FLRT2: variants seen among roughly 807,000 people sequenced by gnomAD.
The protein encoded by FLRT2 is fibronectin leucine rich transmembrane protein 2.
In FLRT2, 15 loss-of-function variants were observed where a neutral mutation model predicts 40.0. The ratio of observed to expected loss-of-function variants is 0.38; its 90% CI spans 0.25 to 0.58. The LOEUF is 0.58. FLRT2 is among the 20% of genes least tolerant of loss of function. The pLI is 0.71. For synonymous variants in FLRT2, 380 were observed against 336.8 expected (o/e 1.13, Z -1.41); for missense variants, 726 against 840.0 (o/e 0.86, Z 1.68).
At chr14:85,532,252 C>T (rs1318233069) in intron 1 of FLRT2, among the ~76,000 whole-genome samples, 1 of 152,142 alleles carries the variant, frequency 6.6e-6, no homozygotes, top group Non-Finnish European at 1.5e-5. Context: ...TCGCGTGGCC[C>T]CACCGACGGC....
chr14:85,543,373 C>G (rs1045581938), intron 1 of FLRT2, among the ~76,000 whole-genome samples: 2 of 152,024 alleles, frequency 1.3e-5, no homozygotes, highest in African/African-American at 4.8e-5. Context: ...AAATATTGCT[C>G]AATTTAACTC....
At position 85,653,303 on chromosome 14, in the gene FLRT2, T is replaced by G. The variant is rs1166016331; in HGVS notation, c.*29806T>G. ...ATGTAACTTGGAGAAGTACCAATTTTGTCATTCTAGATGAGAAATCTTCTG... is the reference window on the plus strand; with the variant it reads ...ATGTAACTTGGAGAAGTACCAATTTGGTCATTCTAGATGAGAAATCTTCTG... On this transcript the variant is annotated 3_prime_UTR_variant, in exon 2 of 2. Coordinates refer to ENST00000330753, the MANE Select transcript of FLRT2 (RefSeq NM_013231.6). 6.6e-6 allele frequency: 1 copy of G among 152,168 alleles called. No individual in the cohort carries two copies. Among genetic ancestry groups the G allele is most frequent in the Admixed American group, 6.5e-5 (1 of 15,270 alleles). The allele number at this position is 152,168 out of a possible 1,614,324, so 9.4% of individuals were successfully genotyped here.
At chr14:85,582,930 T>C (rs1238589495) in intron 1 of FLRT2, among the ~76,000 whole-genome samples, 1 of 151,992 alleles carries the variant, frequency 6.6e-6, no homozygotes, top group Non-Finnish European at 1.5e-5. Flanking sequence ...ATTTCTATAA[T>C]TTTCTGCCTC....
chr14:85,619,344 C>G (rs1186045489), intron 1 of FLRT2, among the ~76,000 whole-genome samples: 1 of 152,066 alleles, frequency 6.6e-6, no homozygotes, highest in Non-Finnish European at 1.5e-5. Flanking sequence ...CTCAGCCTCC[C>G]AAAGTGCTGA....
intron 1 of FLRT2, among the ~76,000 whole-genome samples, chr14:85,557,151 G>A (rs971215337): frequency 3.3e-5 from 5 of 151,936 alleles, no homozygotes; most frequent in Admixed American, 1.3e-4. Flanking sequence ...ATTTGGGTGG[G>A]GACACAGAGT....
Position 85,651,566 on chromosome 14 carries a change from A to G in FLRT2, c.*28069A>G, listed in dbSNP as rs935267796. The G allele has an allele frequency of 2.0e-5, 3 of 152,206 alleles. No individual in the cohort carries two copies. Among genetic ancestry groups the G allele is most frequent in the East Asian group, 3.9e-4 (2 of 5,188 alleles). 9.4% of individuals were successfully genotyped at this position (152,206 alleles called of 1,614,324 possible). ...GGGAAGATTTTAGAATACTTAACGT[A>G]TGTTTTCTAATTAAGCAGTGACCCA... On this transcript the variant is annotated 3_prime_UTR_variant, in exon 2 of 2. Coordinates refer to ENST00000330753, the MANE Select transcript of FLRT2 (RefSeq NM_013231.6).
At chr14:85,618,189 A>G (rs554065510) in intron 1 of FLRT2, among the ~76,000 whole-genome samples, 47 of 152,290 alleles carry the variant, frequency 3.1e-4, no homozygotes, top group African/African-American at 1.0e-3. Flanking sequence ...CTCTAAGCAA[A>G]CACCATCATC....
In FLRT2 at chr14:85,641,467, A is replaced by C. The variant is rs1010869004; in HGVS notation, c.*17970A>C. On this transcript the variant is annotated 3_prime_UTR_variant, in exon 2 of 2. Transcript: ENST00000330753. ...GCACGGTGCCCATAATCAGTGTTTT[A>C]GTGTCTGGTCACTATCTTCAGTGGA... The C allele has an allele frequency of 6.6e-6, 1 of 152,232 alleles. No homozygotes were observed. Among genetic ancestry groups the C allele is most frequent in the Non-Finnish European group, 1.5e-5 (1 of 68,056 alleles). 9.4% of individuals were successfully genotyped at this position (152,232 alleles called of 1,614,324 possible). A position where few individuals can be genotyped will look rare whatever the true frequency, so the allele number is the denominator to read the frequency against.
At chr14:85,601,040 G>T (rs570784051) in intron 1 of FLRT2, among the ~76,000 whole-genome samples, 1 of 152,172 alleles carries the variant, frequency 6.6e-6, no homozygotes, top group Non-Finnish European at 1.5e-5. Flanking sequence ...TACAGTAACA[G>T]GAGGGTGAGA....
chr14:85,595,685 T>C (rs1288271593), intron 1 of FLRT2, among the ~76,000 whole-genome samples: 1 of 152,182 alleles, frequency 6.6e-6, no homozygotes, highest in Non-Finnish European at 1.5e-5. Flanking sequence ...CTGCCTACCA[T>C]GTTCAAAGGG....
At chr14:85,589,377 CT>C (rs930140164) in intron 1 of FLRT2, among the ~76,000 whole-genome samples, 15 of 152,092 alleles carry the variant, frequency 9.9e-5, no homozygotes, top group African/African-American at 3.6e-4. Context: ...TGTTGAGCAC[CT>C]TTTCATATGC....
intron 1 of FLRT2, among the ~76,000 whole-genome samples, chr14:85,615,467 T>C (rs1477032543): frequency 1.3e-5 from 2 of 152,156 alleles, no homozygotes; most frequent in Non-Finnish European, 2.9e-5. Context: ...AAAGTGTTTC[T>C]TTTCTTTTCT....
At position 85,628,809 on chromosome 14, in the gene FLRT2, G is replaced by A. The variant is rs936822315; in HGVS notation, c.*5312G>A. 6.6e-6 allele frequency: 1 copy of A among 152,104 alleles called. No homozygotes were observed. Among genetic ancestry groups the A allele is most frequent in the African/African-American group, 2.4e-5 (1 of 41,420 alleles). The allele number at this position is 152,104 out of a possible 1,614,324, so 9.4% of individuals were successfully genotyped here. A position where few individuals can be genotyped will look rare whatever the true frequency, so the allele number is the denominator to read the frequency against. On this transcript the variant is annotated 3_prime_UTR_variant, in exon 2 of 2. Coordinates refer to ENST00000330753, the MANE Select transcript of FLRT2 (RefSeq NM_013231.6). ...AAAGTAACATCTATGCTATTCTTGG[G>A]TACTTTTGCCAAGAGTTACAGACCT...
intron 1 of FLRT2, among the ~76,000 whole-genome samples, chr14:85,565,944 G>C (rs1890597405): frequency 6.6e-6 from 1 of 152,182 alleles, no homozygotes; most frequent in African/African-American, 2.4e-5. Context: ...GATTTCAGTA[G>C]AGGATGAAAG....
chr14:85,590,733 G>A (rs545164351), intron 1 of FLRT2, among the ~76,000 whole-genome samples: 1 of 152,216 alleles, frequency 6.6e-6, no homozygotes, highest in Admixed American at 6.5e-5. Flanking sequence ...CGATAGCTGG[G>A]ACTACAGGTG....
chr14:85,613,494 C>T lies in FLRT2; in HGVS notation c.-376-7645C>T, dbSNP rs142185314. Among the ~76,000 whole-genome samples the T allele has an allele frequency of 1.1e-4, 17 of 152,206 alleles. No individual in the cohort carries two copies. In the East Asian group the frequency reaches 3.3e-3, roughly 29 times the overall value. On this transcript the variant is annotated intron_variant, in intron 1 of 1. Transcript: ENST00000330753. ...TCTATCCCTCAATCTTTCCAGATAG[C>T]TTTAGGTAGCTTAAAACTCTTGAAA... is the stretch of plus-strand genomic sequence containing the variant.
In FLRT2 at chr14:85,649,817, A is replaced by G. The variant is rs373217763; in HGVS notation, c.*26320A>G. The G allele has an allele frequency of 9.2e-5, 14 of 152,186 alleles. No homozygotes were observed. In the East Asian group the frequency reaches 1.9e-3, roughly 21 times the overall value. The allele number at this position is 152,186 out of a possible 1,614,324, so 9.4% of individuals were successfully genotyped here. On this transcript the variant is annotated 3_prime_UTR_variant, in exon 2 of 2. Transcript: ENST00000330753. ...AGAGTGTTTTTGGTAAAGGCAATAA[A>G]TTATTTTTTAATGTACATCTTATAC...
Position 85,651,566 on chromosome 14 carries a change from A to T in FLRT2, c.*28069A>T, listed in dbSNP as rs935267796. 6.6e-6 allele frequency: 1 copy of T among 152,088 alleles called. No individual in the cohort carries two copies. Among genetic ancestry groups the T allele is most frequent in the African/African-American group, 2.4e-5 (1 of 41,446 alleles). The allele number at this position is 152,088 out of a possible 1,614,324, so 9.4% of individuals were successfully genotyped here. A position where few individuals can be genotyped will look rare whatever the true frequency, so the allele number is the denominator to read the frequency against. On this transcript the variant is annotated 3_prime_UTR_variant, in exon 2 of 2. Transcript: ENST00000330753. ...GGGAAGATTTTAGAATACTTAACGT[A>T]TGTTTTCTAATTAAGCAGTGACCCA...
At chr14:85,611,217 C>CTT (rs1239001794) in intron 1 of FLRT2, among the ~76,000 whole-genome samples, 1 of 151,634 alleles carries the variant, frequency 6.6e-6, no homozygotes, top group East Asian at 2.0e-4. Context: ...ACTGTAGGGA[C>CTT]TTTATCTGTC....
Sources: allele counts gnomAD v4.1 joint callset (sites outside exome capture counted in the v4.1 genomes callset), GRCh38; gene constraint gnomAD v4.1.1; transcripts MANE v1.5; gene names NCBI Gene and HGNC (gene_info 2026-07-23, HGNC 2026-07-21).